The following ARHGAP22 variants were observed in gnomAD, a reference collection of about 807,000 sequenced individuals.
ARHGAP22 encodes the protein Rho GTPase activating protein 22.
In ARHGAP22, 48 loss-of-function variants were observed where a neutral mutation model predicts 59.1. That is an observed-to-expected ratio of 0.81 (90% confidence interval 0.64 to 1.03). The LOEUF is 1.03. Ranked by LOEUF, ARHGAP22 falls within the 50% of genes least tolerant of loss-of-function variation. ARHGAP22 has a pLI of 0.00. For missense variants in ARHGAP22, 1,015 were observed against 958.7 expected (o/e 1.06, Z -0.78); for synonymous variants, 445 against 416.4 (o/e 1.07, Z -0.84).
intron 9 of ARHGAP22, among the ~76,000 whole-genome samples, chr10:48,449,321 C>T (rs1029273719): frequency 6.6e-6 from 1 of 152,222 alleles, no homozygotes; most frequent in African/African-American, 2.4e-5. Flanking sequence ...TGGCAGAGGC[C>T]TCTGCCCTCA....
intron 1 of ARHGAP22, among the ~76,000 whole-genome samples, chr10:48,641,839 G>C (rs919601690): frequency 6.6e-6 from 1 of 152,182 alleles, no homozygotes; most frequent in Non-Finnish European, 1.5e-5. Context: ...TGTATATTTA[G>C]AAAACCCCAT....
At chr10:48,551,590 C>T (rs1260766331) in intron 3 of ARHGAP22, among the ~76,000 whole-genome samples, 1 of 152,242 alleles carries the variant, frequency 6.6e-6, no homozygotes. Context: ...CCCGCAGCTT[C>T]AGGGAGGAGA....
intron 3 of ARHGAP22, among the ~76,000 whole-genome samples, chr10:48,508,626 C>T (rs570716433): frequency 2.0e-5 from 3 of 152,370 alleles, no homozygotes; most frequent in African/African-American, 7.2e-5. Context: ...TCATCAAACC[C>T]TTTGAACAGA....
chr10:48,593,876 A>C (rs2059911490), intron 1 of ARHGAP22, among the ~76,000 whole-genome samples: 1 of 152,254 alleles, frequency 6.6e-6, no homozygotes. Flanking sequence ...GTTTGTACAC[A>C]GTTAGGTCTG....
At chr10:48,555,301 C>T (rs528826501) in intron 3 of ARHGAP22, among the ~76,000 whole-genome samples, 162 bp downstream of exon 3, 1 of 152,212 alleles carries the variant, frequency 6.6e-6, no homozygotes, top group Non-Finnish European at 1.5e-5. Flanking sequence ...AATTTCTTCC[C>T]CATGTGAGTA....
rs2049101414 is a variant in ARHGAP22 at position 48,479,724 on chromosome 10, C to G, written c.363G>C (p.Glu121Asp). 16 of 1,604,660 alleles carry G rather than the reference C, an allele frequency of 1.0e-5. No individual in the cohort carries two copies. The highest frequency in any genetic ancestry group is 1.4e-5 in the Non-Finnish European group (16 of 1,174,636). Residue 121 changes from glutamate to aspartate, a missense_variant, in exon 4 of 10, where the codon GAG becomes GAC. Glu to Asp is a conservative substitution (Grantham distance 45). Transcript: ENST00000249601. ...GEREKVPANP[E>D]ALLLMASSQR... is the part of the protein sequence containing the mutation. The stretch of plus-strand genomic sequence containing the variant: ...GGGAGCTGGCCATGAGCAGGAGCGC[C>G]TCGGGGTTGGCCGGCACCTTCTCCC...
intron 1 of ARHGAP22, among the ~76,000 whole-genome samples, chr10:48,647,437 T>A (rs7090899): frequency 0.057 from 8,715 of 152,148 alleles, 796 homozygotes; most frequent in African/African-American, 0.2. Flanking sequence ...GAATAGTTAA[T>A]AAGCACAGGA....
chr10:48,483,394 A>T (rs894275588), intron 3 of ARHGAP22, among the ~76,000 whole-genome samples: 2 of 152,104 alleles, frequency 1.3e-5, no homozygotes, highest in African/African-American at 4.8e-5. Context: ...CCTTTGATAT[A>T]CTGATTTCCT....
intron 1 of ARHGAP22, among the ~76,000 whole-genome samples, chr10:48,615,625 A>G (rs1374577807): frequency 6.6e-6 from 1 of 152,150 alleles, no homozygotes; most frequent in African/African-American, 2.4e-5. Flanking sequence ...TGATGGGAAA[A>G]ATCAATCAGT....
chr10:48,645,659 AG>A lies in ARHGAP22; in HGVS notation c.52+6574del, dbSNP rs147816503. Among the ~76,000 whole-genome samples, 1,451 of 152,326 alleles carry A rather than the reference AG, an allele frequency of 9.5e-3. 32 individuals carry two copies. The highest frequency in any genetic ancestry group is 0.034 in the African/African-American group (1,394 of 41,582). On this transcript the variant is annotated intron_variant, in intron 1 of 9. Transcript: ENST00000435790. Reference sequence around the variant, plus strand: ...AGTAGAAGGGAAATTAATGTGTTAAAGGGTATCTATGACAAACCCAGAGACC... The same window carrying A: ...AGTAGAAGGGAAATTAATGTGTTAAAGGTATCTATGACAAACCCAGAGACC...
the ARHGAP22 span, chr10:48,436,513 A>G: frequency 6.6e-6 from 1 of 152,214 alleles, no homozygotes; most frequent in Admixed American, 6.5e-5. Context: ...GTAATGAACT[A>G]GGAAATGCAT....
intron 8 of ARHGAP22, chr10:48,451,520 AC>A (rs1327524345): frequency 2.4e-5 from 17 of 702,144 alleles, no homozygotes; most frequent in Non-Finnish European, 7.8e-6. Context: ...GCCCCACGTC[AC>A]CCCTCTGTGC....
At chr10:48,456,916 C>T (rs73293570) in intron 5 of ARHGAP22, among the ~76,000 whole-genome samples, 88 of 152,196 alleles carry the variant, frequency 5.8e-4, no homozygotes, top group African/African-American at 2.0e-3. Context: ...CCCCTTCCCC[C>T]CTCCAACAAG....
At chr10:48,503,969 T>C (rs1473072058) in intron 3 of ARHGAP22, among the ~76,000 whole-genome samples, 1 of 152,260 alleles carries the variant, frequency 6.6e-6, no homozygotes, top group Admixed American at 6.5e-5. Flanking sequence ...TAACAGTGTG[T>C]CTTAACCTGG....
intron 6 of ARHGAP22, 112 bp downstream of exon 6, chr10:48,454,890 A>C (rs2046341406): frequency 9.4e-7 from 1 of 1,060,656 alleles, no homozygotes; most frequent in Non-Finnish European, 1.2e-6. Context: ...GCAGGCCTCC[A>C]CAGGATCCAT....
intron 2 of ARHGAP22, among the ~76,000 whole-genome samples, chr10:48,580,230 T>C (rs877642): frequency 0.4 from 61,190 of 152,010 alleles, 13,226 homozygotes; most frequent in Non-Finnish European, 0.49. Context: ...CTTGTGACTG[T>C]GGATGTCCAT....
At chr10:48,509,738 G>A (rs543645720) in intron 3 of ARHGAP22, among the ~76,000 whole-genome samples, 1 of 152,298 alleles carries the variant, frequency 6.6e-6, no homozygotes, top group African/African-American at 2.4e-5. Flanking sequence ...CTGAATAAAG[G>A]GAGGGGGCCG....
chr10:48,515,475 T>C (rs2134621471), intron 3 of ARHGAP22, among the ~76,000 whole-genome samples: 1 of 152,332 alleles, frequency 6.6e-6, no homozygotes, highest in South Asian at 2.1e-4. Flanking sequence ...ATTTTAATAA[T>C]TGTTGGAGAC....
At chr10:48,645,600 G>C (rs551810751) in intron 1 of ARHGAP22, among the ~76,000 whole-genome samples, 1 of 152,122 alleles carries the variant, frequency 6.6e-6, no homozygotes, top group Non-Finnish European at 1.5e-5. Flanking sequence ...AGCCATTCAT[G>C]ATTTTAAAAA....
Sources: gnomAD v4.1 joint callset for allele counts (sites outside exome capture counted in the v4.1 genomes callset) on GRCh38, gnomAD v4.1.1 for gene constraint, MANE v1.5 for transcripts, NCBI Gene and HGNC (gene_info 2026-07-23, HGNC 2026-07-21) for gene names.